The following LRRC1 variants were observed in gnomAD, a reference collection of about 807,000 sequenced individuals.
LRRC1 encodes the protein leucine-rich repeat-containing protein 1.
Under a neutral mutation model 69.9 loss-of-function variants are expected in LRRC1, and 28 were observed. The observed-to-expected ratio is 0.40, with a 90% CI of 0.30 to 0.55. LRRC1 has a LOEUF of 0.55. Ranked by LOEUF, LRRC1 falls within the 20% of genes least tolerant of loss-of-function variation. The pLI is 0.47. For synonymous variants in LRRC1, 236 were observed against 240.2 expected (o/e 0.98, Z 0.16); for missense variants, 498 against 609.0 (o/e 0.82, Z 1.92).
intron 1 of LRRC1, among the ~76,000 whole-genome samples, chr6:53,820,132 C>T (rs1765075854): frequency 6.6e-6 from 1 of 151,968 alleles, no homozygotes; most frequent in African/African-American, 2.4e-5. Flanking sequence ...TTGCAGCTGC[C>T]TTTAAAGAGA....
At chr6:53,916,545 A>G (rs573335784) in intron 11 of LRRC1, among the ~76,000 whole-genome samples, 77 of 152,110 alleles carry the variant, frequency 5.1e-4, no homozygotes, top group Admixed American at 7.9e-4. Context: ...AAAATCACTT[A>G]TTTGTGCATT....
At chr6:53,797,445 A>T (rs1764334291) in intron 1 of LRRC1, among the ~76,000 whole-genome samples, 1 of 152,146 alleles carries the variant, frequency 6.6e-6, no homozygotes, top group Admixed American at 6.5e-5. Flanking sequence ...AAACATAGAT[A>T]TCTGTTCCAT....
At chr6:53,894,978 C>T (rs569610798) in intron 4 of LRRC1, among the ~76,000 whole-genome samples, 36 of 150,558 alleles carry the variant, frequency 2.4e-4, no homozygotes, top group African/African-American at 8.1e-4. Flanking sequence ...GTCGCCCAGG[C>T]GTGATCTCAG....
At chr6:53,802,168 G>A (rs567461484) in intron 1 of LRRC1, among the ~76,000 whole-genome samples, 1 of 152,314 alleles carries the variant, frequency 6.6e-6, no homozygotes, top group Non-Finnish European at 1.5e-5. Context: ...TACCCTGTAG[G>A]CAGAGGAGCC....
chr6:53,897,506 T>C, intron 7 of LRRC1, 147 bp downstream of exon 7: 4 of 605,546 alleles, frequency 6.6e-6, no homozygotes, highest in South Asian at 6.2e-5. Flanking sequence ...AAAAAACATA[T>C]TGAGCATGCA....
At chr6:53,798,740 A>C (rs1397837081) in intron 1 of LRRC1, among the ~76,000 whole-genome samples, 3 of 152,216 alleles carry the variant, frequency 2.0e-5, no homozygotes, top group Non-Finnish European at 4.4e-5. Context: ...CTCAATAAAC[A>C]GTTATTTATC....
intron 2 of LRRC1, among the ~76,000 whole-genome samples, chr6:53,866,928 C>G (rs577290346): frequency 6.6e-6 from 1 of 152,116 alleles, no homozygotes; most frequent in South Asian, 2.1e-4. Flanking sequence ...CTCTCTGGTT[C>G]CCTTAGACTG....
chr6:53,912,312 A>C (rs1487163579), intron 10 of LRRC1, among the ~76,000 whole-genome samples: 1 of 152,166 alleles, frequency 6.6e-6, no homozygotes, highest in African/African-American at 2.4e-5. Context: ...TTCTGTGAAG[A>C]CTCAATGGAG....
In LRRC1 at chr6:53,896,886, T is replaced by C; in HGVS notation, c.561T>C (p.Tyr187=). The C allele has an allele frequency of 6.3e-7, 1 of 1,588,022 alleles. No homozygotes were observed. Among genetic ancestry groups the C allele is most frequent in the Middle Eastern group, 1.7e-4 (1 of 5,998 alleles). The change falls in exon 6 of 14, where the codon TAT becomes TAC. Residue 187 remains tyrosine (Y), a synonymous_variant. Transcript: ENST00000370888. ...EELDLGNNEI[Y]NLPESIGALL... ...TTGATTTAGGAAACAATGAAATATA[T>C]AATTTGGTAAGTCCGTATTAGAGAT...
At chr6:53,842,274 G>A (rs1373091098) in intron 2 of LRRC1, 47 bp downstream of exon 2, 4 of 1,351,728 alleles carry the variant, frequency 3.0e-6, no homozygotes, top group Middle Eastern at 3.6e-4. Context: ...TTCAGATGCT[G>A]GGGGTGTTTT....
chr6:53,837,487 A>T (rs1022569357), intron 1 of LRRC1, among the ~76,000 whole-genome samples: 1 of 152,146 alleles, frequency 6.6e-6, no homozygotes, highest in African/African-American at 2.4e-5. Context: ...GATAGGTTAG[A>T]ATGTCTCTGG....
Position 53,920,632 on chromosome 6 carries a change from G to C in LRRC1, c.1287G>C (p.Leu429=), listed in dbSNP as rs974629445. The change falls in exon 13 of 14, where the codon CTG becomes CTC. Residue 429 remains leucine (L), a synonymous_variant. Transcript: ENST00000370888. ...TGGTCTTTGTCACTGCAGAGAATCTGCCTCGCTGTGGTGCACTGGAGAACT... is the reference window on the plus strand; with the variant it reads ...TGGTCTTTGTCACTGCAGAGAATCTCCCTCGCTGTGGTGCACTGGAGAACT... ...LPSEPTCQEN[L]PRCGALENLV... 7 of 1,614,046 alleles carry C rather than the reference G, an allele frequency of 4.3e-6. No homozygotes were observed. In the African/African-American group the frequency reaches 9.3e-5, roughly 22 times the overall value.
Position 53,882,888 on chromosome 6 carries a change from T to C in LRRC1, c.358T>C (p.Leu120=), listed in dbSNP as rs774356919. The C allele has an allele frequency of 3.7e-6, 6 of 1,601,894 alleles. 1 individual carries two copies. The South Asian group carries it at 6.7e-5, about 18-fold the overall frequency. ...TTTTGTTTGTTTGTTTGATTTTAGGTTGCCAGAAAGCTTTCCTGAATTACA... is the reference window on the plus strand; with the variant it reads ...TTTTGTTTGTTTGTTTGATTTTAGGCTGCCAGAAAGCTTTCCTGAATTACA... The part of the protein sequence containing the change: ...ADFSGNPLTR[L]PESFPELQNL... The change falls in exon 4 of 14, where the codon TTG becomes CTG. Residue 120 remains leucine, a splice_region_variant and synonymous_variant. Transcript: ENST00000370888.
chr6:53,809,122 A>C (rs911725949), intron 1 of LRRC1, among the ~76,000 whole-genome samples: 1 of 152,230 alleles, frequency 6.6e-6, no homozygotes, highest in African/African-American at 2.4e-5. Context: ...CACTCCAACT[A>C]TAAGTCTGCT....
intron 1 of LRRC1, among the ~76,000 whole-genome samples, chr6:53,814,964 G>C (rs1316007476): frequency 1.3e-5 from 2 of 152,196 alleles, no homozygotes; most frequent in Non-Finnish European, 2.9e-5. Context: ...GCTCACCGCC[G>C]AGCCTCTTGT....
intron 1 of LRRC1, among the ~76,000 whole-genome samples, chr6:53,804,688 T>A (rs1764589019): frequency 6.6e-6 from 1 of 152,260 alleles, no homozygotes; most frequent in African/African-American, 2.4e-5. Flanking sequence ...TTCTTTGCAA[T>A]GATGAGCCAT....
intron 2 of LRRC1, among the ~76,000 whole-genome samples, chr6:53,860,876 G>A (rs929320152): frequency 6.6e-6 from 1 of 152,146 alleles, no homozygotes; most frequent in Admixed American, 6.6e-5. Context: ...ACTAAAATGG[G>A]CAGGGCAACA....
intron 8 of LRRC1, among the ~76,000 whole-genome samples, chr6:53,900,840 G>C (rs560515982): frequency 1.3e-5 from 2 of 152,312 alleles, no homozygotes; most frequent in East Asian, 1.9e-4. Flanking sequence ...AGTTGAAAGA[G>C]ACTGTATTTA....
At chr6:53,821,272 A>G (rs553499917) in intron 1 of LRRC1, among the ~76,000 whole-genome samples, 3 of 152,332 alleles carry the variant, frequency 2.0e-5, no homozygotes, top group African/African-American at 7.2e-5. Flanking sequence ...CTCTAAGGAC[A>G]GAGCTGCATA....
Sources: allele counts gnomAD v4.1 joint callset (sites outside exome capture counted in the v4.1 genomes callset), GRCh38; gene constraint gnomAD v4.1.1; transcripts MANE v1.5; gene names NCBI Gene and HGNC (gene_info 2026-07-23, HGNC 2026-07-21).